The following FAM184A variants were observed in gnomAD, a reference collection of about 807,000 sequenced individuals.
The protein encoded by FAM184A is protein FAM184A.
Under a neutral mutation model 143.8 loss-of-function variants are expected in FAM184A, and 99 were observed. The observed-to-expected ratio is 0.69, with a 90% CI of 0.58 to 0.81. FAM184A has a LOEUF of 0.81. Ranked by LOEUF, FAM184A falls within the 40% of genes least tolerant of loss-of-function variation. The pLI is 0.00. For missense variants in FAM184A, 1,217 were observed against 1,310.5 expected (o/e 0.93, Z 1.10); for synonymous variants, 427 against 446.4 (o/e 0.96, Z 0.55).
At chr6:119,044,461 G>C (rs1040976484) in intron 1 of FAM184A, among the ~76,000 whole-genome samples, 8 of 152,024 alleles carry the variant, frequency 5.3e-5, no homozygotes, top group Admixed American at 1.3e-4. Flanking sequence ...TATGCACTTA[G>C]AGTCCTAGTT....
chr6:119,078,023 G>A lies in FAM184A; in HGVS notation c.159+118C>T. Reference sequence around the variant, plus strand: ...TGGAGGTGTCTCCGGCTGTTGCTTCGGCGGAGGAGTAGAGTTCCCCTCGCT... The same window carrying A: ...TGGAGGTGTCTCCGGCTGTTGCTTCAGCGGAGGAGTAGAGTTCCCCTCGCT... On this transcript the variant is annotated intron_variant, in intron 1 of 17. Coordinates refer to ENST00000338891, the MANE Select transcript of FAM184A (RefSeq NM_024581.6). This position sits in a 1 kb window ranked among gnomAD's most constrained non-coding sequence, Gnocchi z 5.5. 2.5e-6 allele frequency: 3 copies of A among 1,207,012 alleles called. No homozygotes were observed. Among genetic ancestry groups the A allele is most frequent in the Middle Eastern group, 2.9e-4 (1 of 3,476 alleles). 74.8% of individuals were successfully genotyped at this position (1,207,012 alleles called of 1,614,324 possible). A position where few individuals can be genotyped will look rare whatever the true frequency, so the allele number is the denominator to read the frequency against.
intron 1 of FAM184A, among the ~76,000 whole-genome samples, chr6:119,088,799 A>T (rs563625581): frequency 6.6e-6 from 1 of 152,338 alleles, no homozygotes; most frequent in African/African-American, 2.4e-5. Context: ...ATCAATAATC[A>T]TACTAGCTTT....
intron 1 of FAM184A, among the ~76,000 whole-genome samples, chr6:119,137,291 T>C (rs917462497): frequency 6.8e-6 from 1 of 147,546 alleles, no homozygotes; most frequent in Non-Finnish European, 1.5e-5. Context: ...TGTATGCTTG[T>C]GTGTGTGTGC....
intron 1 of FAM184A, among the ~76,000 whole-genome samples, chr6:119,062,560 G>A (rs985105011): frequency 6.6e-6 from 1 of 152,148 alleles, no homozygotes; most frequent in Non-Finnish European, 1.5e-5. Flanking sequence ...TCGGGAGGCT[G>A]AGGTGGGAGG....
At position 119,103,928 on chromosome 6, in the gene FAM184A, GAAAAAAAAAA is replaced by G. The variant is rs199961401; in HGVS notation, c.-202+45140_-202+45149del. Among the ~76,000 whole-genome samples the G allele has an allele frequency of 9.4e-3, 686 of 72,944 alleles. 3 individuals are homozygous for G. The highest frequency in any genetic ancestry group is 0.028 in the African/African-American group (652 of 23,316). The allele number at this position is 72,944 out of a possible 152,430, so 47.9% of individuals were successfully genotyped here. On this transcript the variant is annotated intron_variant, in intron 1 of 16. Transcript: ENST00000352896. The stretch of plus-strand genomic sequence containing the variant: ...GTGTCAGAGTGAGACTCCGTGTAGA[GAAAAAAAAAA>G]AAAAAAAAAAAGAGGAATGTTCATT...
intron 1 of FAM184A, among the ~76,000 whole-genome samples, chr6:119,134,653 C>CAAA (rs11360363): frequency 1.7e-4 from 21 of 122,116 alleles, no homozygotes; most frequent in African/African-American, 2.1e-4. Flanking sequence ...GACCTTGTCT[C>CAAA]AAAAAAAAAA....
chr6:119,023,825 A>T (rs1785537933), intron 2 of FAM184A, 134 bp downstream of exon 2: 2 of 379,830 alleles, frequency 5.3e-6, no homozygotes, highest in African/African-American at 4.6e-5. Flanking sequence ...GAAAAGTTAA[A>T]AAAAAAAAAA....
intron 1 of FAM184A, among the ~76,000 whole-genome samples, chr6:119,110,120 T>C (rs914277018): frequency 2.6e-5 from 4 of 152,164 alleles, no homozygotes; most frequent in African/African-American, 9.7e-5. Context: ...GAAGTCCTGC[T>C]TGAAAGTAAG....
chr6:119,114,080 A>G (rs1361250362), intron 1 of FAM184A, among the ~76,000 whole-genome samples: 2 of 152,224 alleles, frequency 1.3e-5, no homozygotes, highest in African/African-American at 2.4e-5. Context: ...AGGAAAAAGC[A>G]TAGCATATAT....
rs4027508 is a variant in FAM184A at position 119,069,296 on chromosome 6, A to AACAC, written c.159+8841_159+8844dup. ...TTTTATTACTCTGAGTAGACCATTA[A>AACAC]ACACACACACACACACACCTTCCTC... On this transcript the variant is annotated intron_variant, in intron 1 of 17. Coordinates refer to ENST00000338891, the MANE Select transcript of FAM184A (RefSeq NM_024581.6). Among the ~76,000 whole-genome samples, 5 of 151,260 alleles carry AACAC rather than the reference A, an allele frequency of 3.3e-5. No homozygotes were observed. In the East Asian group the frequency reaches 5.8e-4, roughly 18 times the overall value.
intron 1 of FAM184A, among the ~76,000 whole-genome samples, chr6:119,099,032 C>A (rs1788577376): frequency 6.6e-6 from 1 of 152,164 alleles, no homozygotes; most frequent in South Asian, 2.1e-4. Context: ...ATCGCTTGAA[C>A]CTGGGAGGTG....
At chr6:119,001,660 TCGGCAGGAGAAG>T (rs1784760135) in intron 9 of FAM184A, among the ~76,000 whole-genome samples, 1 of 151,980 alleles carries the variant, frequency 6.6e-6, no homozygotes, top group African/African-American at 2.4e-5. Flanking sequence ...TGATAGAAAA[TCGGCAGGAGAAG>T]CGGTGGGCCA....
At chr6:119,008,147 T>A (rs1417607943) in intron 6 of FAM184A, among the ~76,000 whole-genome samples, 1 of 152,154 alleles carries the variant, frequency 6.6e-6, no homozygotes, top group East Asian at 1.9e-4. Context: ...AATGGATACA[T>A]GGGGAAAACA....
chr6:119,140,639 C>A (rs950365902), intron 1 of FAM184A, among the ~76,000 whole-genome samples: 3 of 152,234 alleles, frequency 2.0e-5, no homozygotes, highest in African/African-American at 7.2e-5. Flanking sequence ...GTTCCCTCGC[C>A]TTCCTTCTCT....
intron 1 of FAM184A, among the ~76,000 whole-genome samples, chr6:119,120,222 C>T (rs755857158): frequency 4.6e-5 from 7 of 152,232 alleles, no homozygotes; most frequent in Non-Finnish European, 7.3e-5. Flanking sequence ...ACTTTCTCTA[C>T]GGATTTGCCT....
At chr6:119,078,859 C>G (rs942956896), upstream of FAM184A, 2 of 153,526 alleles carry the variant, frequency 1.3e-5, no homozygotes, top group African/African-American at 4.8e-5. The surrounding 1 kb of genome is among the most constrained non-coding windows in gnomAD (Gnocchi z 5.5). Flanking sequence ...GGGCGCCTCG[C>G]GAGGTCGATC....
rs150625462 is a variant in FAM184A at position 119,140,471 on chromosome 6, C to G, written c.-202+8607G>C. 1.7e-3 allele frequency among the ~76,000 whole-genome samples: 261 copies of G among 152,314 alleles called. 1 individual carries two copies. The highest frequency in any genetic ancestry group is 6.0e-3 in the African/African-American group (250 of 41,574). ...TGAAGGACAAATGCACAGGAGCTACCCAATATGCAATATTCACTTTCCCAA... is the reference window on the plus strand; with the variant it reads ...TGAAGGACAAATGCACAGGAGCTACGCAATATGCAATATTCACTTTCCCAA... On this transcript the variant is annotated intron_variant, in intron 1 of 16. Coordinates refer to the FAM184A transcript ENST00000352896.
At chr6:119,076,644 C>T (rs758464720) in intron 1 of FAM184A, among the ~76,000 whole-genome samples, 82 of 152,338 alleles carry the variant, frequency 5.4e-4, no homozygotes, top group Non-Finnish European at 9.7e-4. Context: ...TACAGTAGGG[C>T]TCTAGAGGGT....
intron 1 of FAM184A, among the ~76,000 whole-genome samples, chr6:119,125,410 G>C (rs943474694): frequency 1.7e-4 from 26 of 152,220 alleles, no homozygotes; most frequent in African/African-American, 6.3e-4. Flanking sequence ...CGAGTAGCTG[G>C]GACTATAGGT....
Sources: allele counts gnomAD v4.1 joint callset (sites outside exome capture counted in the v4.1 genomes callset), GRCh38; gene constraint gnomAD v4.1.1; non-coding constraint Gnocchi (gnomAD v3.1); transcripts MANE v1.5; gene names NCBI Gene and HGNC (gene_info 2026-07-23, HGNC 2026-07-21).